The following PLCZ1 variants were observed in gnomAD, a reference collection of about 807,000 sequenced individuals.
PLCZ1 encodes 1-phosphatidylinositol 4,5-bisphosphate phosphodiesterase zeta-1.
PLCZ1 carries 64 observed loss-of-function variants against 76.8 expected under a neutral mutation model. The ratio of observed to expected loss-of-function variants is 0.83; its 90% CI spans 0.68 to 1.03. PLCZ1 has a LOEUF of 1.03. Ranked by LOEUF, PLCZ1 falls within the 50% of genes least tolerant of loss-of-function variation. The probability of loss-of-function intolerance (pLI) is 0.00; values close to 1 mark genes in which losing one functional copy is unlikely to be tolerated. For synonymous variants in PLCZ1, 248 were observed against 230.8 expected (o/e 1.07, Z -0.68); for missense variants, 751 against 713.7 (o/e 1.05, Z -0.60).
chr12:18,674,842 G>C, the PLCZ1 span, among the ~76,000 whole-genome samples: 1 of 152,204 alleles, frequency 6.6e-6, no homozygotes, highest in Non-Finnish European at 1.5e-5. Flanking sequence ...CTCTGCTCTT[G>C]TCCGCTTAGA....
chr12:18,683,170 CAT>C, downstream of PLCZ1: 1 of 1,326,344 alleles, frequency 7.5e-7, no homozygotes. Context: ...AAAAAGAAAA[CAT>C]AAAGACATTC....
chr12:18,737,438 GT>G lies in PLCZ1; in HGVS notation c.-68del. 6.2e-7 allele frequency: 1 copy of G among 1,605,912 alleles called. No individual in the cohort carries two copies. Reference sequence around the variant, plus strand: ...CTTTCCCCAGTAGGTGCTGTCATGGGTTCCAAATACAATTAACTCTGCCCCT... The same window carrying G: ...CTTTCCCCAGTAGGTGCTGTCATGGGTCCAAATACAATTAACTCTGCCCCT... On this transcript the variant is annotated 5_prime_UTR_variant, in exon 2 of 15. Transcript: ENST00000266505.
At chr12:18,705,416 G>A (rs972573164) in intron 6 of PLCZ1, 101 bp from the exon 7 acceptor site, 33 of 1,395,312 alleles carry the variant, frequency 2.4e-5, no homozygotes, top group South Asian at 1.8e-4. Flanking sequence ...TACTTCTAAC[G>A]TTTAGTACCT....
At chr12:18,659,073 A>T in the PLCZ1 span, among the ~76,000 whole-genome samples, 21 of 152,134 alleles carry the variant, frequency 1.4e-4, no homozygotes, top group Non-Finnish European at 1.0e-4. Context: ...ACCAACATGG[A>T]TAGGAAACAG....
intron 12 of PLCZ1, among the ~76,000 whole-genome samples, chr12:18,688,469 T>A (rs1169948423): frequency 3.9e-5 from 6 of 152,170 alleles, no homozygotes; most frequent in African/African-American, 1.4e-4. Flanking sequence ...TTTATTAACA[T>A]ATTTTTGTTT....
At chr12:18,730,193 C>T (rs372322546) in intron 3 of PLCZ1, among the ~76,000 whole-genome samples, 3 of 151,940 alleles carry the variant, frequency 2.0e-5, no homozygotes, top group South Asian at 2.1e-4. Context: ...ATTTTGGTCA[C>T]GTAGGACTCA....
chr12:18,698,858 A>G (rs1029308040), intron 10 of PLCZ1, among the ~76,000 whole-genome samples: 37 of 152,120 alleles, frequency 2.4e-4, no homozygotes, highest in African/African-American at 8.2e-4. Flanking sequence ...GCACTATCAA[A>G]TACTATGTCT....
chr12:18,725,309 A>G (rs1958689187), intron 3 of PLCZ1, among the ~76,000 whole-genome samples: 1 of 152,116 alleles, frequency 6.6e-6, no homozygotes, highest in South Asian at 2.1e-4. Flanking sequence ...AAGCAATAAG[A>G]AAGAAGGTGC....
chr12:18,692,572 G>T (rs574866539), intron 12 of PLCZ1, among the ~76,000 whole-genome samples: 1 of 152,132 alleles, frequency 6.6e-6, no homozygotes, highest in Non-Finnish European at 1.5e-5. Flanking sequence ...TGGAGGAAAG[G>T]TGCTAGGTGG....
At position 18,710,463 on chromosome 12, in the gene PLCZ1, A is replaced by T. The variant is rs78200395; in HGVS notation, c.714+2379T>A. Among the ~76,000 whole-genome samples the T allele has an allele frequency of 7.1e-3, 1,087 of 152,112 alleles. 11 individuals are homozygous for T. The highest frequency in any genetic ancestry group is 0.025 in the African/African-American group (1,054 of 41,504). On this transcript the variant is annotated intron_variant, in intron 6 of 14. Coordinates refer to ENST00000266505, the MANE Select transcript of PLCZ1 (RefSeq NM_033123.4). The stretch of plus-strand genomic sequence containing the variant: ...TAAAATAGGTAATGAAAAACTGACC[A>T]CTTATGGCCTTGTGAGTCATTGTAC...
intron 13 of PLCZ1, chr12:18,685,440 A>G (rs561011631): frequency 5.0e-6 from 1 of 198,072 alleles, no homozygotes; most frequent in South Asian, 9.0e-5. Flanking sequence ...TTTCATTTAC[A>G]AAGGCAATGC....
intron 11 of PLCZ1, 55 bp downstream of exon 11, chr12:18,696,095 A>T: frequency 1.0e-6 from 1 of 987,610 alleles, no homozygotes; most frequent in Non-Finnish European, 1.6e-6. Context: ...ACATTCATAA[A>T]ATGAATTCAT....
chr12:18,701,364 A>G, intron 9 of PLCZ1, 137 bp downstream of exon 9: 1 of 1,459,166 alleles, frequency 6.9e-7, no homozygotes, highest in Non-Finnish European at 9.1e-7. Context: ...GATGTTTTCA[A>G]AGTAAATTGT....
the PLCZ1 span, among the ~76,000 whole-genome samples, chr12:18,653,497 T>C: frequency 6.6e-6 from 1 of 152,202 alleles, no homozygotes; most frequent in African/African-American, 2.4e-5. Context: ...TTACAAGCTC[T>C]AGTAAATTTG....
chr12:18,683,371 T>C, intron 14 of PLCZ1, 47 bp from the exon 15 acceptor site: 1 of 1,576,694 alleles, frequency 6.3e-7, no homozygotes, highest in Non-Finnish European at 8.7e-7. Flanking sequence ...AATTAATCAG[T>C]GGTGTCTCCA....
At chr12:18,678,019 C>T in the PLCZ1 span, among the ~76,000 whole-genome samples, 2 of 152,042 alleles carry the variant, frequency 1.3e-5, no homozygotes, top group Non-Finnish European at 2.9e-5. Flanking sequence ...ATATAACTCT[C>T]ATTGGTTAAA....
At chr12:18,673,625 G>A in the PLCZ1 span, among the ~76,000 whole-genome samples, 15 of 152,106 alleles carry the variant, frequency 9.9e-5, no homozygotes, top group Non-Finnish European at 8.8e-5. Flanking sequence ...AAAAGAATAC[G>A]CATTAATTAT....
chr12:18,646,809 AG>A, the PLCZ1 span, among the ~76,000 whole-genome samples: 1 of 152,154 alleles, frequency 6.6e-6, no homozygotes, highest in East Asian at 1.9e-4. Flanking sequence ...CTAATTTCTT[AG>A]CGGTACTATG....
At position 18,723,461 on chromosome 12, in the gene PLCZ1, T is replaced by C. The variant is rs767754815; in HGVS notation, c.217A>G (p.Ile73Val). ...IYRIITHREE[I>V]IEIFNTYSEN... is the part of the protein sequence containing the mutation. ...GAATATGTGTTGAAAATCTCAATAATTTCTTCTCTGTGCGTGATAATTCGA... is the reference window on the plus strand; with the variant it reads ...GAATATGTGTTGAAAATCTCAATAACTTCTTCTCTGTGCGTGATAATTCGA... Residue 73 changes from isoleucine (I) to valine (V), a missense_variant, in exon 4 of 15, where the codon ATT becomes GTT. Physicochemically the swap from Ile to Val is conservative, Grantham distance 29. Transcript: ENST00000266505. 3 of 1,613,154 alleles carry C rather than the reference T, an allele frequency of 1.9e-6. No individual in the cohort carries two copies. In the East Asian group the frequency reaches 6.7e-5, roughly 36 times the overall value.
Sources: gnomAD v4.1 joint callset for allele counts (sites outside exome capture counted in the v4.1 genomes callset) on GRCh38, gnomAD v4.1.1 for gene constraint, MANE v1.5 for transcripts, NCBI Gene and HGNC (gene_info 2026-07-23, HGNC 2026-07-21) for gene names.